The following MCF2 variants were observed in gnomAD, a reference collection of about 807,000 sequenced individuals.
MCF2 encodes proto-oncogene DBL.
MCF2 carries 44 observed loss-of-function variants against 82.5 expected under a neutral mutation model. The ratio of observed to expected loss-of-function variants is 0.53; its 90% CI spans 0.42 to 0.69. The LOEUF (loss-of-function observed/expected upper bound fraction) is 0.69. MCF2 is among the 30% of genes least tolerant of loss of function. The probability of loss-of-function intolerance (pLI) is 0.00; values close to 1 mark genes in which losing one functional copy is unlikely to be tolerated. For missense variants in MCF2, 623 were observed against 663.1 expected (o/e 0.94, Z 0.66); for synonymous variants, 217 against 224.9 (o/e 0.96, Z 0.32).
intron 1 of MCF2, among the ~76,000 whole-genome samples, chrX:139,686,921 T>C (rs887462212): frequency 2.7e-5 from 3 of 111,643 alleles, no homozygotes; most frequent in Non-Finnish European, 5.6e-5. Context: ...GTGACTCCTT[T>C]GCTCAAAACC....
intron 1 of MCF2, among the ~76,000 whole-genome samples, chrX:139,694,180 G>A (rs1159288390): frequency 9.0e-6 from 1 of 110,684 alleles, no homozygotes; most frequent in Non-Finnish European, 1.9e-5. Context: ...GAAATAAATG[G>A]AAAAATAACT....
At chrX:139,689,104 C>A (rs778212123) in intron 1 of MCF2, among the ~76,000 whole-genome samples, 1 of 111,894 alleles carries the variant, frequency 8.9e-6, no homozygotes, top group Non-Finnish European at 1.9e-5. Context: ...AATTTACCCT[C>A]TTAATTCCGC....
At chrX:139,661,743 T>TTAAG (rs1163198353) in intron 1 of MCF2, among the ~76,000 whole-genome samples, 1 of 111,520 alleles carries the variant, frequency 9.0e-6, no homozygotes, top group Non-Finnish European at 1.9e-5. Context: ...AAACCCTATA[T>TTAAG]TAAGTACCTT....
chrX:139,636,381 T>C (rs1477407631), intron 1 of MCF2, among the ~76,000 whole-genome samples: 1 of 112,169 alleles, frequency 8.9e-6, no homozygotes, highest in East Asian at 2.8e-4. Flanking sequence ...TGCCAACATT[T>C]AAAGCAAAAT....
At chrX:139,702,859 A>G (rs1394783854) in intron 1 of MCF2, among the ~76,000 whole-genome samples, 1 of 112,199 alleles carries the variant, frequency 8.9e-6, no homozygotes, top group Non-Finnish European at 1.9e-5. Flanking sequence ...TCCCTCAGGA[A>G]TGAAGGACTT....
At chrX:139,685,973 C>T (rs768642095) in intron 1 of MCF2, among the ~76,000 whole-genome samples, 3 of 110,531 alleles carry the variant, frequency 2.7e-5, no homozygotes, top group Admixed American at 9.7e-5. Flanking sequence ...TCAATAAATG[C>T]GATTCACCAC....
intron 12 of MCF2, among the ~76,000 whole-genome samples, chrX:139,606,654 C>T (rs1433963983): frequency 8.9e-6 from 1 of 111,798 alleles, no homozygotes; most frequent in African/African-American, 3.2e-5. Flanking sequence ...TAACCACGCC[C>T]CACCTGTTTC....
At chrX:139,637,764 C>T (rs1263127464) in intron 1 of MCF2, among the ~76,000 whole-genome samples, 1 of 111,429 alleles carries the variant, frequency 9.0e-6, no homozygotes, top group Non-Finnish European at 1.9e-5. Flanking sequence ...TCCCTGGAAC[C>T]TGGTAATATG....
Position 139,586,480 on chromosome X carries a change from G to A in MCF2, c.2530C>T (p.Gln844Ter), listed in dbSNP as rs1260313843. The stretch of plus-strand genomic sequence containing the variant: ...TCCTCAGTACTTATAAAAGCTCCCT[G>A]TTGCTTTCTGAAATAGTGATGTATA... The change falls in exon 23 of 25, where the codon CAG becomes TAG. Residue 844 changes from glutamine (Q) to a stop codon, truncating the protein, a stop_gained. Transcript: ENST00000370576. LOFTEE classifies it high-confidence loss of function. 8.5e-7 allele frequency: 1 copy of A among 1,182,086 alleles called. No individual in the cohort carries two copies. Among genetic ancestry groups the A allele is most frequent in the South Asian group, 1.8e-5 (1 of 56,006 alleles).
chrX:139,684,287 T>G (rs777040640), intron 1 of MCF2, among the ~76,000 whole-genome samples: 8 of 112,402 alleles, frequency 7.1e-5, no homozygotes, highest in Admixed American at 6.6e-4. Context: ...AAAAACTATT[T>G]CACACCCACT....
At chrX:139,595,753 TA>T (rs747840211) in intron 19 of MCF2, among the ~76,000 whole-genome samples, 1,746 of 108,651 alleles carry the variant, frequency 0.016, 33 homozygotes, top group African/African-American at 0.054. Context: ...AAATAAAAAA[TA>T]AAAAAAAATT....
At chrX:139,670,998 C>T (rs1298102909) in intron 1 of MCF2, among the ~76,000 whole-genome samples, 3 of 111,378 alleles carry the variant, frequency 2.7e-5, no homozygotes, top group African/African-American at 6.5e-5. Context: ...TTTTAATGAT[C>T]GCCATTCTAA....
At chrX:139,680,830 T>C (rs893271900) in intron 1 of MCF2, among the ~76,000 whole-genome samples, 11 of 112,472 alleles carry the variant, frequency 9.8e-5, no homozygotes, top group Non-Finnish European at 2.1e-4. Context: ...ATGTACAACA[T>C]CTGCAATGGT....
chrX:139,649,601 G>T (rs1933921456), intron 2 of MCF2, among the ~76,000 whole-genome samples: 1 of 108,555 alleles, frequency 9.2e-6, no homozygotes, highest in Admixed American at 9.9e-5. Flanking sequence ...ATCTATAAAT[G>T]ATTATTACCA....
intron 17 of MCF2, 30 bp downstream of exon 21, chrX:139,598,376 A>G (rs1930272777): frequency 2.0e-6 from 2 of 985,894 alleles, no homozygotes; most frequent in East Asian, 3.1e-5. Context: ...TCAAAAAGTA[A>G]AGAAACAAAC....
chrX:139,649,459 A>C (rs1179791766), intron 2 of MCF2, among the ~76,000 whole-genome samples: 1 of 111,813 alleles, frequency 8.9e-6, no homozygotes, highest in Admixed American at 9.5e-5. Context: ...AATATCTTAA[A>C]TATAACTACA....
At chrX:139,663,350 G>T (rs1485632169) in intron 1 of MCF2, among the ~76,000 whole-genome samples, 1 of 111,893 alleles carries the variant, frequency 8.9e-6, no homozygotes, top group African/African-American at 3.2e-5. Flanking sequence ...TCCATGTGTA[G>T]ATGAAAAGAA....
At chrX:139,681,487 T>C (rs913080758) in intron 1 of MCF2, among the ~76,000 whole-genome samples, 2 of 112,439 alleles carry the variant, frequency 1.8e-5, no homozygotes, top group African/African-American at 6.5e-5. Flanking sequence ...CTTTGTGCTC[T>C]ATGAAAGGGA....
intron 1 of MCF2, among the ~76,000 whole-genome samples, chrX:139,653,678 C>T (rs1934104394): frequency 9.0e-6 from 1 of 111,066 alleles, no homozygotes; most frequent in African/African-American, 3.3e-5. Flanking sequence ...CACCTCATTA[C>T]CTCCATTTTA....
Sources: gnomAD v4.1 joint callset for allele counts (sites outside exome capture counted in the v4.1 genomes callset) on GRCh38, gnomAD v4.1.1 for gene constraint, MANE v1.5 for transcripts, NCBI Gene and HGNC (gene_info 2026-07-23, HGNC 2026-07-21) for gene names.